The following KCNAB2 variants were observed in gnomAD, a reference collection of about 807,000 sequenced individuals.
KCNAB2 encodes the protein potassium voltage-gated channel subfamily A regulatory beta subunit 2.
Under a neutral mutation model 63.6 loss-of-function variants are expected in KCNAB2, and 29 were observed. That is an observed-to-expected ratio of 0.46 (90% CI 0.34 to 0.62). The LOEUF is 0.62. KCNAB2 is among the 20% of genes least tolerant of loss of function. The pLI is 0.01. For missense variants in KCNAB2, 359 were observed against 563.9 expected, an observed-to-expected ratio of 0.64 and a Z score of 3.68; for synonymous variants, 222 against 224.2, an observed-to-expected ratio of 0.99 and a Z score of 0.09.
intron 1 of KCNAB2, among the ~76,000 whole-genome samples, chr1:6,001,229 G>GC (rs1324034651): frequency 6.6e-6 from 1 of 151,830 alleles, no homozygotes; most frequent in African/African-American, 2.4e-5. Context: ...CGACCTGGAG[G>GC]CCCCAGGCCC....
In KCNAB2 at chr1:6,012,298, CAGAGGTGGTGGGT is replaced by C. The variant is rs1570855713; in HGVS notation, c.-53+19511_-53+19523del. 1.0e-3 allele frequency among the ~76,000 whole-genome samples: 70 copies of C among 69,082 alleles called. 30 individuals are homozygous for C. The highest frequency in any genetic ancestry group is 1.3e-3 in the Admixed American group (9 of 6,806). 45.3% of individuals were successfully genotyped at this position (69,082 alleles called of 152,430 possible). On this transcript the variant is annotated intron_variant, in intron 1 of 16. Coordinates refer to the KCNAB2 transcript ENST00000341524. ...GAGGCAGTGGTGGAGGTGATGAAGG[CAGAGGTGGTGGGT>C]GGAGGTGGAGATGGAGGTAGTGGTG...
chr1:6,045,782 T>G, upstream of KCNAB2: 2 of 442,062 alleles, frequency 4.5e-6, no homozygotes, highest in Non-Finnish European at 6.0e-6. The surrounding 1 kb of genome is among the most constrained non-coding windows in gnomAD (Gnocchi z 4.8). Flanking sequence ...GGTCCAAAGG[T>G]TTGTGTTTCT....
chr1:6,093,806 C>A (rs1665391293), intron 10 of KCNAB2, among the ~76,000 whole-genome samples: 1 of 152,196 alleles, frequency 6.6e-6, no homozygotes, highest in Admixed American at 6.5e-5. Context: ...GTCTCCTGGA[C>A]ATGACAGGAA....
In KCNAB2 at chr1:6,071,999, C is replaced by T. The variant is rs1201627169; in HGVS notation, c.219-756C>T. Among the ~76,000 whole-genome samples, 1 of 152,196 alleles carries T rather than the reference C, an allele frequency of 6.6e-6. No homozygotes were observed. Among genetic ancestry groups the T allele is most frequent in the Admixed American group, 6.5e-5 (1 of 15,284 alleles). ...CCTAGGCAACCTGTGCCAGGACATACGGGCATGCCGGTCCTCAGCAGAGGG... is the reference window on the plus strand; with the variant it reads ...CCTAGGCAACCTGTGCCAGGACATATGGGCATGCCGGTCCTCAGCAGAGGG... On this transcript the variant is annotated intron_variant, in intron 2 of 15. Transcript: ENST00000378083. The surrounding 1 kb of genome is among the most constrained non-coding windows in gnomAD (Gnocchi z 8.5).
At position 6,008,297 on chromosome 1, in the gene KCNAB2, C is replaced by G. The variant is rs557449973; in HGVS notation, c.-53+15509C>G. 2.6e-5 allele frequency among the ~76,000 whole-genome samples: 4 copies of G among 152,268 alleles called. No homozygotes were observed. The East Asian group carries it at 7.7e-4, about 29-fold the overall frequency. ...AAGAGCAGCCAGCATCCAGGACAGG[C>G]TTCCCTCGTTCCTCTGTTCATCCTC... On this transcript the variant is annotated intron_variant, in intron 1 of 16. Transcript: ENST00000341524.
At chr1:6,036,325 A>G (rs2100425241) in intron 1 of KCNAB2, among the ~76,000 whole-genome samples, 1 of 152,180 alleles carries the variant, frequency 6.6e-6, no homozygotes, top group Non-Finnish European at 1.5e-5. Context: ...CAACATGGTG[A>G]AACTCCGTCT....
chr1:6,049,794 A>G (rs1308868705), intron 1 of KCNAB2, among the ~76,000 whole-genome samples: 2 of 152,270 alleles, frequency 1.3e-5, no homozygotes, highest in Non-Finnish European at 2.9e-5. Flanking sequence ...GCTAGGCCTC[A>G]TGCTGGGCAC....
upstream of KCNAB2, chr1:6,041,948 G>T: frequency 7.5e-7 from 1 of 1,326,542 alleles, no homozygotes; most frequent in South Asian, 1.2e-5. Context: ...CACCCTTGCC[G>T]AGCAGGGTGT....
chr1:6,048,381 C>T (rs1282143380), intron 1 of KCNAB2, among the ~76,000 whole-genome samples: 1 of 152,236 alleles, frequency 6.6e-6, no homozygotes, highest in Non-Finnish European at 1.5e-5. Flanking sequence ...TCATCTCATG[C>T]AGCCCACAGC....
At chr1:6,085,007 A>G (rs1479700658) in intron 5 of KCNAB2, among the ~76,000 whole-genome samples, 197 bp from the exon 6 acceptor site, 2 of 152,200 alleles carry the variant, frequency 1.3e-5, no homozygotes, top group African/African-American at 4.8e-5. Context: ...GTGGGGGGCA[A>G]TAACACAGCT....
At chr1:6,051,365 C>G in intron 1 of KCNAB2, 146 bp from the exon 2 acceptor site, 1 of 917,288 alleles carries the variant, frequency 1.1e-6, no homozygotes, top group Non-Finnish European at 1.5e-6. Flanking sequence ...ATCCAGGGGC[C>G]GGGTCCCACT....
At chr1:5,993,865 G>A (rs1240029542) in intron 1 of KCNAB2, among the ~76,000 whole-genome samples, 2 of 152,164 alleles carry the variant, frequency 1.3e-5, no homozygotes, top group African/African-American at 2.4e-5. Flanking sequence ...TGAAGGCAGG[G>A]GTCTTGACCC....
At chr1:6,015,028 T>G (rs1399430382) in intron 1 of KCNAB2, among the ~76,000 whole-genome samples, 12 of 140,698 alleles carry the variant, frequency 8.5e-5, no homozygotes, top group Non-Finnish European at 3.1e-5. Flanking sequence ...TTTTTTTTTT[T>G]TTTTTTTTTT....
chr1:6,059,979 C>T (rs1218955973), intron 2 of KCNAB2, among the ~76,000 whole-genome samples: 2 of 152,224 alleles, frequency 1.3e-5, no homozygotes, highest in Non-Finnish European at 2.9e-5. Context: ...GCGCTCTGGG[C>T]AAGGCTCACA....
At chr1:6,026,267 C>G (rs1476560396) in intron 1 of KCNAB2, 1 of 152,298 alleles carries the variant, frequency 6.6e-6, no homozygotes, top group African/African-American at 2.4e-5. Flanking sequence ...CCACGGGGCC[C>G]TGGCGCGCCA....
rs1663170575 is a variant in KCNAB2 at position 6,071,376 on chromosome 1, G to C, written c.219-1379G>C. ...GCTGCCCCTTGACCAGATGCTGGCA[G>C]CTGGATTCCACAAGGGAAGTGGAAT... On this transcript the variant is annotated intron_variant, in intron 2 of 15. Coordinates refer to ENST00000378083, the MANE Select transcript of KCNAB2 (RefSeq NM_001199862.2). This position sits in a 1 kb window ranked among gnomAD's most constrained non-coding sequence, Gnocchi z 8.5. Among the ~76,000 whole-genome samples the C allele has an allele frequency of 6.6e-6, 1 of 152,228 alleles. No individual in the cohort carries two copies. The highest frequency in any genetic ancestry group is 1.5e-5 in the Non-Finnish European group (1 of 68,036).
intron 1 of KCNAB2, among the ~76,000 whole-genome samples, chr1:6,046,749 C>G (rs1387508305): frequency 6.6e-6 from 1 of 152,202 alleles, no homozygotes; most frequent in East Asian, 1.9e-4. Context: ...CTTCCATTTC[C>G]GCTTTGGAGA....
intron 5 of KCNAB2, among the ~76,000 whole-genome samples, chr1:6,084,634 AGTGAAACCCC>A (rs1557499716): frequency 6.6e-6 from 1 of 151,846 alleles, no homozygotes; most frequent in Non-Finnish European, 1.5e-5. Context: ...TGGCCAACAT[AGTGAAACCCC>A]GTCTCTACTA....
chr1:6,077,708 C>T (rs962919237), intron 4 of KCNAB2, among the ~76,000 whole-genome samples: 24 of 152,282 alleles, frequency 1.6e-4, no homozygotes, highest in African/African-American at 4.8e-4. Context: ...GGAGGCCTCC[C>T]GGTGGGCAGA....
Sources: gnomAD v4.1 joint callset for allele counts (sites outside exome capture counted in the v4.1 genomes callset) on GRCh38, gnomAD v4.1.1 for gene constraint, Gnocchi (gnomAD v3.1) non-coding constraint, MANE v1.5 for transcripts, NCBI Gene and HGNC (gene_info 2026-07-23, HGNC 2026-07-21) for gene names.